The following PCNX2 variants were observed in gnomAD, a reference collection of about 807,000 sequenced individuals.
The protein encoded by PCNX2 is pecanex-like protein 2.
PCNX2 carries 168 observed loss-of-function variants against 223.8 expected under a neutral mutation model. The observed-to-expected ratio is 0.75, with a 90% CI of 0.66 to 0.85. The LOEUF (loss-of-function observed/expected upper bound fraction) is 0.85. PCNX2 is among the 40% of genes least tolerant of loss of function. PCNX2 has a pLI of 0.00. For synonymous variants in PCNX2, 1,006 were observed against 1,052.6 expected (o/e 0.96, Z 0.86); for missense variants, 2,507 against 2,675.5 (o/e 0.94, Z 1.39).
intron 17 of PCNX2, among the ~76,000 whole-genome samples, chr1:233,174,925 G>A (rs2102851167): frequency 6.6e-6 from 1 of 152,256 alleles, no homozygotes; most frequent in Non-Finnish European, 1.5e-5. Flanking sequence ...AATGTTTCCT[G>A]AAGTGCAATC....
At chr1:233,175,257 CAG>C (rs1392134699) in intron 17 of PCNX2, among the ~76,000 whole-genome samples, 3 of 152,066 alleles carry the variant, frequency 2.0e-5, no homozygotes, top group Non-Finnish European at 4.4e-5. Context: ...ATAATTAGGC[CAG>C]AGACTTTTCA....
rs1571993131 is a variant in PCNX2 at position 233,160,353 on chromosome 1, C to T, written c.3447G>A (p.Lys1149=). ...VTHYVLPQLR[K]HHPWMWISHP... ...GTGAAATCCACATCCAGGGATGATG[C>T]TTGCGGAGCTGAGGGAGCACGTAAT... Residue 1149 remains lysine (K), a synonymous_variant, in exon 19 of 34, where the codon AAG becomes AAA. Transcript: ENST00000258229. The T allele has an allele frequency of 1.2e-6, 2 of 1,613,524 alleles. No homozygotes were observed. The highest frequency in any genetic ancestry group is 1.7e-6 in the Non-Finnish European group (2 of 1,179,650).
intron 23 of PCNX2, among the ~76,000 whole-genome samples, chr1:233,060,768 T>C (rs1446195585): frequency 2.6e-5 from 4 of 152,236 alleles, no homozygotes; most frequent in Non-Finnish European, 5.9e-5. Context: ...TCTGCATGCA[T>C]GGTCTTCCTA....
intron 9 of PCNX2, 75 bp from the exon 10 acceptor site, chr1:233,227,446 A>ATGTGTGTGTG: frequency 3.3e-6 from 4 of 1,197,880 alleles, no homozygotes; most frequent in Non-Finnish European, 4.6e-6. Context: ...ATATATATAT[A>ATGTGTGTGTG]TGTATACACA....
At chr1:233,131,116 A>T (rs939093305) in intron 21 of PCNX2, among the ~76,000 whole-genome samples, 1 of 152,122 alleles carries the variant, frequency 6.6e-6, no homozygotes, top group Non-Finnish European at 1.5e-5. Flanking sequence ...TGCTTCATTA[A>T]CCTCAGAGCC....
chr1:233,210,510 C>G (rs1275197651), intron 12 of PCNX2: 1 of 812,658 alleles, frequency 1.2e-6, no homozygotes, highest in Non-Finnish European at 1.5e-6. Context: ...AACTCCTGAC[C>G]TCAGGTGATC....
the PCNX2 span, among the ~76,000 whole-genome samples, chr1:233,307,355 T>C: frequency 2.6e-5 from 4 of 152,068 alleles, no homozygotes; most frequent in Non-Finnish European, 2.9e-5. Flanking sequence ...CCTGGGAGAA[T>C]TGATTGTTGA....
chr1:233,104,361 TAA>T (rs1053543816), intron 21 of PCNX2, among the ~76,000 whole-genome samples: 4 of 152,194 alleles, frequency 2.6e-5, no homozygotes, highest in African/African-American at 9.6e-5. Flanking sequence ...TTTACCAAAA[TAA>T]AGTTTCCTTA....
chr1:233,070,149 C>T (rs1013383918), intron 23 of PCNX2, among the ~76,000 whole-genome samples: 1 of 152,084 alleles, frequency 6.6e-6, no homozygotes, highest in African/African-American at 2.4e-5. Context: ...CACTAATTGC[C>T]ATAACTTGCT....
chr1:233,222,552 T>C (rs931499846), intron 10 of PCNX2, among the ~76,000 whole-genome samples: 1 of 151,776 alleles, frequency 6.6e-6, no homozygotes, highest in Non-Finnish European at 1.5e-5. Context: ...TAAAAAAAAA[T>C]ACTATACAAA....
chr1:233,273,181 T>TA lies in PCNX2; in HGVS notation c.154-10019dup, dbSNP rs557929935. ...ATCATTAAAAAAACTAGAGAGGATA[T>TA]AAAAAAATAATAATTTAAAAATAAA... On this transcript the variant is annotated intron_variant, in intron 1 of 33. Transcript: ENST00000258229. Among the ~76,000 whole-genome samples the TA allele has an allele frequency of 5.4e-5, 8 of 148,124 alleles. No homozygotes were observed. In the East Asian group the frequency reaches 9.8e-4, roughly 18 times the overall value.
At chr1:233,112,189 G>A (rs1483774099) in intron 21 of PCNX2, among the ~76,000 whole-genome samples, 6 of 152,192 alleles carry the variant, frequency 3.9e-5, no homozygotes, top group African/African-American at 1.4e-4. Context: ...TGAAGATCTT[G>A]TCCTAAATAT....
At chr1:233,208,435 A>G (rs1681612876) in intron 13 of PCNX2, 83 bp downstream of exon 13, 2 of 1,398,768 alleles carry the variant, frequency 1.4e-6, no homozygotes, top group Non-Finnish European at 1.9e-6. Flanking sequence ...TAATCAAGTA[A>G]GGAAGCTTAG....
In PCNX2 at chr1:233,126,542, T is replaced by C. The variant is rs921953803; in HGVS notation, c.3837+8471A>G. Among the ~76,000 whole-genome samples the C allele has an allele frequency of 6.6e-6, 1 of 151,702 alleles. No homozygotes were observed. Among genetic ancestry groups the C allele is most frequent in the African/African-American group, 2.4e-5 (1 of 41,290 alleles). The stretch of plus-strand genomic sequence containing the variant: ...TTGTGTGTGTGTGTGTGTGTGTAAA[T>C]ATACCAGAGGACTGGGAGGATTTAT... On this transcript the variant is annotated intron_variant, in intron 21 of 33. Coordinates refer to ENST00000258229, the MANE Select transcript of PCNX2 (RefSeq NM_014801.4). The surrounding 1 kb of genome is among the most constrained non-coding windows in gnomAD (Gnocchi z 4.8).
chr1:233,118,757 A>C (rs1675578222), intron 21 of PCNX2, among the ~76,000 whole-genome samples: 1 of 152,224 alleles, frequency 6.6e-6, no homozygotes, highest in Non-Finnish European at 1.5e-5. Flanking sequence ...ATTGGAAGAC[A>C]ACATAGAAAA....
intron 9 of PCNX2, among the ~76,000 whole-genome samples, chr1:233,235,955 A>AT (rs1553319628): frequency 7.2e-5 from 3 of 41,478 alleles, no homozygotes; most frequent in African/African-American, 2.0e-4. Context: ...ATCATAAAAA[A>AT]AAATATATAT....
At chr1:233,016,791 C>T in intron 27 of PCNX2, 130 bp downstream of exon 27, 1 of 1,439,890 alleles carries the variant, frequency 6.9e-7, no homozygotes, top group Non-Finnish European at 9.2e-7. Flanking sequence ...AACATCTGTC[C>T]AAATAGTGCT....
the PCNX2 span, among the ~76,000 whole-genome samples, chr1:233,321,864 G>T: frequency 2.0e-5 from 3 of 152,112 alleles, no homozygotes; most frequent in Non-Finnish European, 4.4e-5. Flanking sequence ...CATCATCAGT[G>T]CAAATGTCAA....
upstream of PCNX2, among the ~76,000 whole-genome samples, chr1:233,300,264 A>C (rs959411167): frequency 1.3e-5 from 2 of 152,222 alleles, no homozygotes; most frequent in African/African-American, 4.8e-5. Context: ...ATAGTGTTCT[A>C]TGTAGAATTT....
Sources: allele counts gnomAD v4.1 joint callset (sites outside exome capture counted in the v4.1 genomes callset), GRCh38; gene constraint gnomAD v4.1.1; non-coding constraint Gnocchi (gnomAD v3.1); transcripts MANE v1.5; gene names NCBI Gene and HGNC (gene_info 2026-07-23, HGNC 2026-07-21).